PCSK2: variants seen among roughly 807,000 people sequenced by gnomAD.
The protein encoded by PCSK2 is proprotein convertase subtilisin/kexin type 2, also known as neuroendocrine convertase 2.
A neutral mutation model predicts 69.7 loss-of-function variants in PCSK2; 14 were observed. The ratio of observed to expected loss-of-function variants is 0.20; its 90% CI spans 0.13 to 0.31. The LOEUF (loss-of-function observed/expected upper bound fraction) is 0.31. Ranked by LOEUF, PCSK2 falls within the 10% of genes least tolerant of loss-of-function variation. The pLI is 1.00. For synonymous variants in PCSK2, 307 were observed against 320.7 expected (o/e 0.96, Z 0.46); for missense variants, 544 against 842.5 (o/e 0.65, Z 4.39).
chr20:17,334,161 A>T (rs7265784), intron 2 of PCSK2, among the ~76,000 whole-genome samples: 1 of 151,574 alleles, frequency 6.6e-6, no homozygotes. Context: ...AGAGCAGTGG[A>T]GTGGGCAATC....
chr20:17,280,956 G>A (rs1011744025), intron 2 of PCSK2, among the ~76,000 whole-genome samples: 3 of 152,182 alleles, frequency 2.0e-5, no homozygotes, highest in Non-Finnish European at 4.4e-5. Flanking sequence ...CACTTGTCTG[G>A]AAGGTCTTTC....
chr20:17,295,761 G>T (rs998529065), intron 2 of PCSK2, among the ~76,000 whole-genome samples: 1 of 151,924 alleles, frequency 6.6e-6, no homozygotes, highest in African/African-American at 2.4e-5. Context: ...TTACTATGTT[G>T]CCCAGGCTGT....
At chr20:17,275,084 CATATATAT>C (rs11474649) in intron 2 of PCSK2, among the ~76,000 whole-genome samples, 41,410 of 141,446 alleles carry the variant, frequency 0.29, 6,157 homozygotes, top group Middle Eastern at 0.34. Flanking sequence ...ATTATTTATA[CATATATAT>C]ATATATATAT....
intron 5 of PCSK2, among the ~76,000 whole-genome samples, chr20:17,378,299 A>G (rs909371375): frequency 7.5e-6 from 1 of 133,992 alleles, no homozygotes; most frequent in African/African-American, 2.5e-5. Flanking sequence ...GAATTCATCT[A>G]GAAGCTTCAT....
chr20:17,480,144 C>T (rs2033369110), intron 11 of PCSK2, among the ~76,000 whole-genome samples: 2 of 149,958 alleles, frequency 1.3e-5, no homozygotes, highest in Admixed American at 1.3e-4. Context: ...ATTCATTGGA[C>T]TGCCTTTCAC....
At chr20:17,246,107 C>T (rs1986762496) in intron 1 of PCSK2, among the ~76,000 whole-genome samples, 2 of 152,204 alleles carry the variant, frequency 1.3e-5, no homozygotes, top group South Asian at 4.2e-4. Context: ...TGAGCAAAAC[C>T]GGTGTTGTCC....
intron 1 of PCSK2, among the ~76,000 whole-genome samples, chr20:17,237,147 T>C (rs1250590503): frequency 2.0e-5 from 3 of 152,000 alleles, no homozygotes; most frequent in Admixed American, 1.3e-4. Context: ...AATAGAAGAA[T>C]AGGTAAATTG....
chr20:17,349,312 T>C (rs887987044), intron 2 of PCSK2, among the ~76,000 whole-genome samples: 1 of 152,218 alleles, frequency 6.6e-6, no homozygotes, highest in Non-Finnish European at 1.5e-5. Context: ...GCTGTGTGCC[T>C]ACAAAGAAGT....
At chr20:17,397,486 AT>A (rs11481580) in intron 5 of PCSK2, among the ~76,000 whole-genome samples, 112 of 148,032 alleles carry the variant, frequency 7.6e-4, no homozygotes, top group African/African-American at 2.7e-3. Context: ...AATTCAATAT[AT>A]TTTTTTTTTT....
At chr20:17,288,593 A>G (rs983603861) in intron 2 of PCSK2, among the ~76,000 whole-genome samples, 2 of 152,188 alleles carry the variant, frequency 1.3e-5, no homozygotes, top group Admixed American at 1.3e-4. Context: ...TTGGGCCTTT[A>G]AAAGGATAAC....
intron 2 of PCSK2, among the ~76,000 whole-genome samples, chr20:17,350,564 G>A (rs1302154315): frequency 6.6e-6 from 1 of 152,078 alleles, no homozygotes; most frequent in African/African-American, 2.4e-5. Context: ...GCACAGTTAA[G>A]TTGTCCCAGA....
At chr20:17,254,031 C>T (rs947456365) in intron 1 of PCSK2, among the ~76,000 whole-genome samples, 3 of 152,108 alleles carry the variant, frequency 2.0e-5, no homozygotes, top group African/African-American at 7.2e-5. Flanking sequence ...AGAAATGATT[C>T]CTCTAATTTG....
chr20:17,426,985 A>C (rs2032261172), intron 6 of PCSK2, among the ~76,000 whole-genome samples: 1 of 152,214 alleles, frequency 6.6e-6, no homozygotes, highest in African/African-American at 2.4e-5. Flanking sequence ...CATGTTTCTA[A>C]TAGGATTACA....
chr20:17,400,578 T>A (rs2031611640), intron 5 of PCSK2, among the ~76,000 whole-genome samples: 3 of 151,962 alleles, frequency 2.0e-5, no homozygotes, highest in African/African-American at 4.8e-5. Context: ...TAAAAAAAAA[T>A]TACACAAAAT....
intron 4 of PCSK2, among the ~76,000 whole-genome samples, chr20:17,361,463 G>A (rs1404394144): frequency 1.3e-5 from 2 of 152,196 alleles, no homozygotes; most frequent in Admixed American, 6.5e-5. Flanking sequence ...GCCTGTGGTC[G>A]TTTCACTGGG....
intron 10 of PCSK2, among the ~76,000 whole-genome samples, chr20:17,460,141 C>T (rs529231423): frequency 1.3e-5 from 2 of 151,930 alleles, no homozygotes; most frequent in East Asian, 3.9e-4. Context: ...GTTCTCTAGA[C>T]GTGCTGGAAC....
At chr20:17,280,909 A>G (rs1327917471) in intron 2 of PCSK2, among the ~76,000 whole-genome samples, 1 of 152,138 alleles carries the variant, frequency 6.6e-6, no homozygotes, top group Non-Finnish European at 1.5e-5. Flanking sequence ...CTTTTCAGCA[A>G]CCTCAGTGGA....
chr20:17,404,477 G>A (rs920704246), intron 5 of PCSK2, among the ~76,000 whole-genome samples: 5 of 152,138 alleles, frequency 3.3e-5, no homozygotes, highest in South Asian at 2.1e-4. Context: ...TGGAAACCAC[G>A]GTGGCACCTC....
At chr20:17,361,401 A>AT (rs1176976006) in intron 4 of PCSK2, among the ~76,000 whole-genome samples, 1 of 152,176 alleles carries the variant, frequency 6.6e-6, no homozygotes, top group Non-Finnish European at 1.5e-5. Flanking sequence ...ATGAATTGGC[A>AT]TTTTTCCAAC....
Sources: allele counts gnomAD v4.1 joint callset (sites outside exome capture counted in the v4.1 genomes callset), GRCh38; gene constraint gnomAD v4.1.1; transcripts MANE v1.5; gene names NCBI Gene and HGNC (gene_info 2026-07-23, HGNC 2026-07-21).